NTN4: variants seen among roughly 807,000 people sequenced by gnomAD.
The protein encoded by NTN4 is netrin-4.
NTN4 carries 32 observed loss-of-function variants against 73.6 expected under a neutral mutation model. The ratio of observed to expected loss-of-function variants is 0.44; its 90% CI spans 0.33 to 0.58. The LOEUF (loss-of-function observed/expected upper bound fraction) is 0.58, where lower values mean the gene tolerates loss of function less well. NTN4 is among the 20% of genes least tolerant of loss of function. The probability of loss-of-function intolerance (pLI) is 0.04; values close to 1 mark genes in which losing one functional copy is unlikely to be tolerated. For synonymous variants in NTN4, 258 were observed against 287.5 expected (o/e 0.90, Z 1.04); for missense variants, 654 against 798.3 (o/e 0.82, Z 2.18).
intron 2 of NTN4, among the ~76,000 whole-genome samples, chr12:95,785,308 T>A (rs2079159515): frequency 6.6e-6 from 1 of 152,224 alleles, no homozygotes. Context: ...CAAAGCAATT[T>A]GAGAGTTCAA....
chr12:95,668,899 G>T (rs2078204085), intron 8 of NTN4, among the ~76,000 whole-genome samples: 1 of 152,234 alleles, frequency 6.6e-6, no homozygotes, highest in Non-Finnish European at 1.5e-5. Context: ...GCCGAGGCAG[G>T]CGGATCACGA....
chr12:95,732,220 TTC>T (rs377101907), intron 3 of NTN4, among the ~76,000 whole-genome samples: 7 of 144,768 alleles, frequency 4.8e-5, no homozygotes, highest in South Asian at 2.3e-4. Flanking sequence ...TTCTCTCCCT[TTC>T]TCTCTTTCTT....
intron 7 of NTN4, among the ~76,000 whole-genome samples, chr12:95,680,657 T>C (rs2078308163): frequency 6.6e-6 from 1 of 152,258 alleles, no homozygotes; most frequent in Admixed American, 6.5e-5. Context: ...ATATGAATTT[T>C]TTTGAGATGG....
chr12:95,700,814 C>CTTTTTTTTT (rs71911993), intron 5 of NTN4, among the ~76,000 whole-genome samples: 2 of 107,544 alleles, frequency 1.9e-5, no homozygotes, highest in East Asian at 2.8e-4. Context: ...TTCTTTCTTT[C>CTTTTTTTTT]TTTTTTTTTT....
chr12:95,762,751 T>C (rs377399427), intron 2 of NTN4, among the ~76,000 whole-genome samples: 2 of 152,202 alleles, frequency 1.3e-5, no homozygotes, highest in Non-Finnish European at 2.9e-5. Flanking sequence ...GAGATTTATA[T>C]AGGAGAGCTG....
At chr12:95,738,168 T>C (rs2078795406) in intron 2 of NTN4, 24 bp from the exon 3 acceptor site, 1 of 1,596,592 alleles carries the variant, frequency 6.3e-7, no homozygotes, top group African/African-American at 1.3e-5. Context: ...GAAAATACCA[T>C]GCGTTTATAG....
intron 2 of NTN4, among the ~76,000 whole-genome samples, chr12:95,772,399 C>T (rs989085055): frequency 5.3e-5 from 8 of 152,144 alleles, no homozygotes; most frequent in Non-Finnish European, 1.0e-4. Context: ...CTTTAATCCT[C>T]CCCTTGGCTC....
intron 8 of NTN4, 60 bp from the exon 9 acceptor site, chr12:95,666,040 C>T: frequency 8.0e-7 from 1 of 1,246,768 alleles, no homozygotes; most frequent in East Asian, 2.4e-5. Flanking sequence ...GTTTGAATAA[C>T]ACTCAAGTAT....
chr12:95,738,115 G>A lies in NTN4; in HGVS notation c.615C>T (p.Tyr205=), dbSNP rs763488072. The change falls in exon 3 of 10, where the codon TAC becomes TAT. Residue 205 remains tyrosine, a synonymous_variant. Coordinates refer to ENST00000343702, the MANE Select transcript of NTN4 (RefSeq NM_021229.4). ...TGGCACTGTAAGGGTTCTCTGTATCGTATGGTGGTGACAAAGCTTTGAAAA... is the reference window on the plus strand; with the variant it reads ...TGGCACTGTAAGGGTTCTCTGTATCATATGGTGGTGACAAAGCTTTGAAAA... The part of the protein sequence containing the change: ...EVIFKALSPP[Y]DTENPYSAKV... 20 of 1,613,716 alleles carry A rather than the reference G, an allele frequency of 1.2e-5. No homozygotes were observed. Among genetic ancestry groups the A allele is most frequent in the East Asian group, 4.5e-5 (2 of 44,886 alleles).
At chr12:95,785,660 G>A in intron 2 of NTN4, among the ~76,000 whole-genome samples, 1 of 152,186 alleles carries the variant, frequency 6.6e-6, no homozygotes, top group East Asian at 1.9e-4. Context: ...CAGGCCCCTG[G>A]CAAGCACCTC....
chr12:95,788,199 A>G (rs750349621), intron 1 of NTN4, among the ~76,000 whole-genome samples: 1 of 152,192 alleles, frequency 6.6e-6, no homozygotes, highest in Non-Finnish European at 1.5e-5. Flanking sequence ...AGAAAAGCTT[A>G]TTTTACATGC....
chr12:95,745,408 A>G (rs1469689742), intron 2 of NTN4, among the ~76,000 whole-genome samples: 1 of 152,022 alleles, frequency 6.6e-6, no homozygotes, highest in Non-Finnish European at 1.5e-5. Context: ...AACGTCACTA[A>G]TCTTTTCTTC....
At chr12:95,695,611 C>T (rs1205174151) in intron 5 of NTN4, among the ~76,000 whole-genome samples, 9 of 152,108 alleles carry the variant, frequency 5.9e-5, no homozygotes, top group East Asian at 1.9e-4. Context: ...GTGATCTGCC[C>T]GCCTCGGCCT....
intron 2 of NTN4, among the ~76,000 whole-genome samples, chr12:95,750,506 A>G (rs1472888217): frequency 6.6e-6 from 1 of 152,196 alleles, no homozygotes; most frequent in African/African-American, 2.4e-5. Context: ...CCAAATAGCC[A>G]GAAAATGGCA....
intron 5 of NTN4, among the ~76,000 whole-genome samples, chr12:95,684,817 A>T (rs1565883434): frequency 6.6e-6 from 1 of 152,224 alleles, no homozygotes; most frequent in African/African-American, 2.4e-5. Flanking sequence ...TTCTGGGCTT[A>T]TCACAAATTC....
chr12:95,728,158 CTTGT>C (rs1441700536), intron 3 of NTN4, among the ~76,000 whole-genome samples: 7 of 152,010 alleles, frequency 4.6e-5, no homozygotes, highest in African/African-American at 1.2e-4. Flanking sequence ...TATCTTACAA[CTTGT>C]TTATCAGCTG....
intron 2 of NTN4, 90 bp from the exon 3 acceptor site, chr12:95,738,234 C>T (rs1430781825): frequency 1.7e-6 from 2 of 1,176,264 alleles, no homozygotes; most frequent in Non-Finnish European, 2.4e-6. Context: ...TGATTTATGC[C>T]TTATGTCATC....
chr12:95,683,279 C>A (rs1440168650), intron 6 of NTN4, among the ~76,000 whole-genome samples: 1 of 152,132 alleles, frequency 6.6e-6, no homozygotes, highest in East Asian at 1.9e-4. Context: ...CCAGGCTGGC[C>A]TCGAACTCCT....
Position 95,682,728 on chromosome 12 carries a change from A to C in NTN4, c.1489T>G (p.Phe497Val). The change falls in exon 7 of 10, where the codon TTT (phenylalanine) becomes GTT (valine). Residue 497 changes from phenylalanine to valine, a missense_variant. Phe to Val is a conservative substitution (Grantham distance 50). Coordinates refer to ENST00000343702, the MANE Select transcript of NTN4 (RefSeq NM_021229.4). The part of the protein sequence containing the change: ...PAWEWEDAQG[F>V]SALLHSGKCE... Reference sequence around the variant, plus strand: ...TCACCTGAGTGTAGAAGTGCAGAAAACCCCTGCGCATCCTCCCACTCCCAG... The same window carrying C: ...TCACCTGAGTGTAGAAGTGCAGAAACCCCCTGCGCATCCTCCCACTCCCAG... 1 of 1,612,382 alleles carries C rather than the reference A, an allele frequency of 6.2e-7. No homozygotes were observed. Among genetic ancestry groups the C allele is most frequent in the Non-Finnish European group, 8.5e-7 (1 of 1,178,954 alleles).
Sources: allele counts gnomAD v4.1 joint callset (sites outside exome capture counted in the v4.1 genomes callset), GRCh38; gene constraint gnomAD v4.1.1; transcripts MANE v1.5; gene names NCBI Gene and HGNC (gene_info 2026-07-23, HGNC 2026-07-21).